The following RRH variants were observed in gnomAD, a reference collection of about 807,000 sequenced individuals.
RRH encodes visual pigment-like receptor peropsin.
In RRH, 36 loss-of-function variants were observed where a neutral mutation model predicts 33.1. The observed-to-expected ratio is 1.09, with a 90% CI of 0.83 to 1.44. The LOEUF is 1.44. Ranked by LOEUF, RRH falls within the 40% of genes most tolerant of loss-of-function variation. The probability of loss-of-function intolerance (pLI) is 0.00; values close to 1 mark genes in which losing one functional copy is unlikely to be tolerated. For missense variants in RRH, 393 were observed against 420.2 expected, an observed-to-expected ratio of 0.94 and a Z score of 0.57; for synonymous variants, 124 against 140.2, an observed-to-expected ratio of 0.88 and a Z score of 0.82.
At chr4:109,836,603 A>G (rs1418368558) in intron 4 of RRH, among the ~76,000 whole-genome samples, 1 of 152,206 alleles carries the variant, frequency 6.6e-6, no homozygotes, top group Non-Finnish European at 1.5e-5. Context: ...TAGCAAAAGC[A>G]CAGTCACTGC....
intron 2 of RRH, among the ~76,000 whole-genome samples, chr4:109,834,168 A>G (rs1733827022): frequency 6.6e-6 from 1 of 152,096 alleles, no homozygotes; most frequent in Non-Finnish European, 1.5e-5. Flanking sequence ...TTTCATTGTT[A>G]GATATTATGT....
chr4:109,827,977 A>C lies in RRH; in HGVS notation c.-51A>C. 3 of 1,167,204 alleles carry C rather than the reference A, an allele frequency of 2.6e-6. No homozygotes were observed. The highest frequency in any genetic ancestry group is 3.9e-6 in the Non-Finnish European group (3 of 774,894). The allele number at this position is 1,167,204 out of a possible 1,614,324, so 72.3% of individuals were successfully genotyped here. Reference sequence around the variant, plus strand: ...TCCTCAGTAGCTCATAAAGCAGTTCATAATTATCGAAGGCTTATTATGAAG... The same window carrying C: ...TCCTCAGTAGCTCATAAAGCAGTTCCTAATTATCGAAGGCTTATTATGAAG... On this transcript the variant is annotated 5_prime_UTR_variant, in exon 1 of 7. Coordinates refer to ENST00000317735, the MANE Select transcript of RRH (RefSeq NM_006583.5).
At chr4:109,836,824 G>A (rs1733893292) in intron 4 of RRH, among the ~76,000 whole-genome samples, 1 of 145,760 alleles carries the variant, frequency 6.9e-6, no homozygotes, top group African/African-American at 2.6e-5. Flanking sequence ...TGAGGCTGGG[G>A]CAGGAAGATC....
intron 1 of RRH, among the ~76,000 whole-genome samples, chr4:109,831,774 T>C (rs574584563): frequency 1.3e-5 from 2 of 152,200 alleles, no homozygotes; most frequent in South Asian, 4.1e-4. Context: ...GAATATCAGG[T>C]TGGGAAATTT....
intron 1 of RRH, among the ~76,000 whole-genome samples, 186 bp from the exon 2 acceptor site, chr4:109,832,953 C>T (rs184632765): frequency 3.4e-4 from 52 of 152,292 alleles, no homozygotes; most frequent in African/African-American, 1.2e-3. Context: ...TTAATTTTCT[C>T]ATTTCTGTTT....
chr4:109,842,173 C>T (rs1362367867), intron 5 of RRH, among the ~76,000 whole-genome samples: 1 of 152,014 alleles, frequency 6.6e-6, no homozygotes, highest in Non-Finnish European at 1.5e-5. Context: ...AGCTTTTGTA[C>T]TCTCCCCTAG....
In RRH at chr4:109,844,431, A is replaced by T. The variant is rs1388847056; in HGVS notation, c.*234A>T. 2.4e-6 allele frequency: 1 copy of T among 422,756 alleles called. No individual in the cohort carries two copies. Among genetic ancestry groups the T allele is most frequent in the Non-Finnish European group, 4.4e-6 (1 of 225,986 alleles). The allele number at this position is 422,756 out of a possible 1,614,324, so 26.2% of individuals were successfully genotyped here. ...TCTCCTTTGATGAATTAGGCATCAG[A>T]GGTTAAGGTCCCCTTTCTTTCTCCC... is the stretch of plus-strand genomic sequence containing the variant. On this transcript the variant is annotated 3_prime_UTR_variant, in exon 7 of 7. Transcript: ENST00000317735.
intron 1 of RRH, among the ~76,000 whole-genome samples, chr4:109,831,752 G>A (rs185544072): frequency 3.3e-5 from 5 of 152,136 alleles, no homozygotes; most frequent in African/African-American, 1.2e-4. Flanking sequence ...AACAGATGAG[G>A]CAAAGAGCCT....
chr4:109,839,303 ATT>A (rs1733944352), intron 5 of RRH, among the ~76,000 whole-genome samples: 1 of 152,192 alleles, frequency 6.6e-6, no homozygotes, highest in Admixed American at 6.5e-5. Context: ...CAAAATAGAA[ATT>A]TTAAATAAAA....
Position 109,835,560 on chromosome 4 carries a change from T to A in RRH, c.397+95T>A, listed in dbSNP as rs927691157. 2.0e-5 allele frequency: 18 copies of A among 897,594 alleles called. No individual in the cohort carries two copies. In the African/African-American group the frequency reaches 2.1e-4, roughly 11 times the overall value. 55.6% of individuals were successfully genotyped at this position (897,594 alleles called of 1,614,324 possible). On this transcript the variant is annotated intron_variant, in intron 3 of 6. Transcript: ENST00000317735. ...GCTAAAATATAAACCTAATGGTTTGTAGTTAGGGTCAGTTTTATTTCTCTG... is the reference window on the plus strand; with the variant it reads ...GCTAAAATATAAACCTAATGGTTTGAAGTTAGGGTCAGTTTTATTTCTCTG...
rs756972073 is a variant in RRH at position 109,828,014 on chromosome 4, A to G, written c.-14A>G. ...GGCTTATTATGAAGGGTGTTTCGGT[A>G]TCTTCCCTCCAAAATGCTAAGAAAT... On this transcript the variant is annotated 5_prime_UTR_variant, in exon 1 of 7. Coordinates refer to ENST00000317735, the MANE Select transcript of RRH (RefSeq NM_006583.5). The G allele has an allele frequency of 1.5e-5, 23 of 1,526,808 alleles. No homozygotes were observed. The highest frequency in any genetic ancestry group is 3.3e-5 in the Admixed American group (2 of 59,892). The allele number at this position is 1,526,808 out of a possible 1,614,324, so 94.6% of individuals were successfully genotyped here.
Position 109,835,427 on chromosome 4 carries a change from C to T in RRH, c.359C>T (p.Ala120Val), listed in dbSNP as rs778309055. The change falls in exon 3 of 7, where the codon GCT (alanine) becomes GTT (valine). Residue 120 changes from alanine to valine, a missense_variant. Transcript: ENST00000317735. ...AGCATTGGATTACTCACGGTCGTGG[C>T]TGTGGACCGATACCTGACCATCTGC... ...MASIGLLTVV[A>V]VDRYLTICLP... is the part of the protein sequence containing the mutation. 6.2e-7 allele frequency: 1 copy of T among 1,614,042 alleles called. No homozygotes were observed. Among genetic ancestry groups the T allele is most frequent in the Admixed American group, 1.7e-5 (1 of 60,012 alleles).
intron 3 of RRH, among the ~76,000 whole-genome samples, chr4:109,835,698 A>G (rs1178778422): frequency 6.6e-6 from 1 of 152,138 alleles, no homozygotes; most frequent in Non-Finnish European, 1.5e-5. Context: ...TGAGGTTTTC[A>G]TACCTGCTGT....
intron 6 of RRH, among the ~76,000 whole-genome samples, chr4:109,842,905 T>C (rs571228341): frequency 6.6e-6 from 1 of 152,252 alleles, no homozygotes; most frequent in Admixed American, 6.5e-5. Flanking sequence ...CAAATGCCAA[T>C]TGCATCTCAG....
intron 1 of RRH, 33 bp from the exon 2 acceptor site, chr4:109,833,106 C>G: frequency 1.9e-6 from 3 of 1,556,398 alleles, no homozygotes; most frequent in Non-Finnish European, 2.7e-6. Context: ...TCAAATTAAA[C>G]AAAATGCATC....
At chr4:109,840,469 T>C (rs1311988470) in intron 5 of RRH, among the ~76,000 whole-genome samples, 1 of 152,180 alleles carries the variant, frequency 6.6e-6, no homozygotes, top group East Asian at 1.9e-4. Context: ...CTCTTTAGTT[T>C]AATTAGATCC....
chr4:109,829,705 A>T (rs1733709156), intron 1 of RRH, among the ~76,000 whole-genome samples: 1 of 152,180 alleles, frequency 6.6e-6, no homozygotes, highest in African/African-American at 2.4e-5. Context: ...AAACTTGTCC[A>T]GCACACACAT....
rs765705206 is a variant in RRH at position 109,833,102 on chromosome 4, TAAAC to T, written c.107-33_107-30del. On this transcript the variant is annotated intron_variant, in intron 1 of 6. Coordinates refer to ENST00000317735, the MANE Select transcript of RRH (RefSeq NM_006583.5). ...TGAGTCTACTTTGAAACATTCAAAT[TAAAC>T]AAAATGCATCATATTTTTGTGTGTG... 2.3e-5 allele frequency: 35 copies of T among 1,538,548 alleles called. No individual in the cohort carries two copies. The Admixed American group carries it at 5.0e-4, about 22-fold the overall frequency.
intron 1 of RRH, 98 bp from the exon 2 acceptor site, chr4:109,833,041 C>G (rs1688281562): frequency 1.1e-6 from 1 of 941,710 alleles, no homozygotes; most frequent in Admixed American, 1.9e-5. Context: ...TAAAATAGAT[C>G]TGTTATGTTT....
Sources: allele counts gnomAD v4.1 joint callset (sites outside exome capture counted in the v4.1 genomes callset), GRCh38; gene constraint gnomAD v4.1.1; transcripts MANE v1.5; gene names NCBI Gene and HGNC (gene_info 2026-07-23, HGNC 2026-07-21).